RBFOX1: variants seen among roughly 807,000 people sequenced by gnomAD.
The protein encoded by RBFOX1 is RNA binding fox-1 homolog 1.
A neutral mutation model predicts 57.7 loss-of-function variants in RBFOX1; 8 were observed. The observed-to-expected ratio is 0.14, with a 90% CI of 0.08 to 0.25. The LOEUF is 0.25. RBFOX1 is among the 10% of genes least tolerant of loss of function. The pLI, the probability that RBFOX1 is intolerant of heterozygous loss-of-function variation, is 1.00. For missense variants in RBFOX1, 611 were observed against 548.5 expected (o/e 1.11, Z -1.14); for synonymous variants, 326 against 222.4 (o/e 1.47, Z -4.15).
intron 1 of RBFOX1, among the ~76,000 whole-genome samples, chr16:5,393,045 C>T (rs1019435879): frequency 2.0e-5 from 3 of 152,058 alleles, no homozygotes; most frequent in African/African-American, 4.8e-5. Context: ...TAAAAGACCT[C>T]CGAGCATGGG....
intron 1 of RBFOX1, among the ~76,000 whole-genome samples, chr16:5,342,062 A>G (rs1361355154): frequency 2.0e-5 from 3 of 152,220 alleles, no homozygotes; most frequent in Non-Finnish European, 4.4e-5. Flanking sequence ...CCTTTAGTGT[A>G]GCTTTTGTCT....
At chr16:6,759,728 T>C (rs2076338933) in intron 3 of RBFOX1, among the ~76,000 whole-genome samples, 1 of 152,154 alleles carries the variant, frequency 6.6e-6, no homozygotes, top group Non-Finnish European at 1.5e-5. Context: ...TGCATTAGCT[T>C]TCATTGACTA....
intron 2 of RBFOX1, among the ~76,000 whole-genome samples, chr16:5,526,138 C>T (rs780324477): frequency 4.1e-4 from 63 of 152,100 alleles, no homozygotes; most frequent in African/African-American, 1.5e-3. Context: ...GCCTCTGTCT[C>T]GAGAGTGACT....
intron 4 of RBFOX1, among the ~76,000 whole-genome samples, chr16:7,293,882 G>A (rs576640501): frequency 8.5e-5 from 13 of 152,114 alleles, no homozygotes; most frequent in Non-Finnish European, 1.5e-4. Flanking sequence ...TTTGACCTGT[G>A]TTCCAGGATG....
intron 3 of RBFOX1, among the ~76,000 whole-genome samples, chr16:6,750,319 T>C (rs1318540807): frequency 6.6e-6 from 1 of 152,220 alleles, no homozygotes; most frequent in African/African-American, 2.4e-5. Flanking sequence ...GTTTTAATAA[T>C]GGGTCATAGA....
intron 13 of RBFOX1, among the ~76,000 whole-genome samples, chr16:7,668,883 A>T (rs2070384322): frequency 6.6e-6 from 1 of 152,156 alleles, no homozygotes; most frequent in South Asian, 2.1e-4. Flanking sequence ...AGATCTACAG[A>T]GTCTCTCATA....
intron 4 of RBFOX1, among the ~76,000 whole-genome samples, chr16:7,465,220 G>A (rs1253286556): frequency 6.6e-6 from 1 of 152,088 alleles, no homozygotes; most frequent in Admixed American, 6.6e-5. Context: ...CAAACTCTCA[G>A]CTCACATGTC....
At chr16:5,705,536 C>G (rs759343007) in intron 3 of RBFOX1, among the ~76,000 whole-genome samples, 15 of 152,164 alleles carry the variant, frequency 9.9e-5, no homozygotes, top group Admixed American at 5.2e-4. Context: ...TCTGTAATCA[C>G]GAGCGAAACA....
At chr16:6,403,304 GTGT>G (rs1371194524) in intron 2 of RBFOX1, among the ~76,000 whole-genome samples, 1 of 152,152 alleles carries the variant, frequency 6.6e-6, no homozygotes, top group African/African-American at 2.4e-5. Flanking sequence ...TGCCACTCAG[GTGT>G]TAAGAACCCA....
At chr16:5,802,644 G>C (rs2055097823) in intron 3 of RBFOX1, among the ~76,000 whole-genome samples, 1 of 152,156 alleles carries the variant, frequency 6.6e-6, no homozygotes, top group South Asian at 2.1e-4. Context: ...CTTAGAGCTA[G>C]ACCCTGCAGA....
At chr16:7,499,365 C>A (rs572217180) in intron 4 of RBFOX1, among the ~76,000 whole-genome samples, 1 of 152,168 alleles carries the variant, frequency 6.6e-6, no homozygotes, top group South Asian at 2.1e-4. Context: ...ACCCTGCTCG[C>A]TACTCAGGCA....
intron 4 of RBFOX1, among the ~76,000 whole-genome samples, chr16:7,171,317 C>T (rs1284120168): frequency 6.6e-6 from 1 of 152,144 alleles, no homozygotes; most frequent in East Asian, 1.9e-4. Context: ...ATTGTACATC[C>T]CAATTTGCTG....
intron 4 of RBFOX1, among the ~76,000 whole-genome samples, chr16:7,351,851 C>G (rs764647503): frequency 2.0e-5 from 3 of 152,142 alleles, no homozygotes; most frequent in Non-Finnish European, 4.4e-5. Flanking sequence ...CAGGCCCAGG[C>G]AGGAAATTTT....
chr16:5,554,276 CTATG>C lies in RBFOX1; in HGVS notation c.259-44622_259-44619del, dbSNP rs1451736838. On this transcript the variant is annotated intron_variant, in intron 2 of 2. Transcript: ENST00000585867. Reference sequence around the variant, plus strand: ...ATGAGCCACAATGCCTGGCCTTTTTCTATGTATTCTATTGACAATAATGACCTAA... The same window carrying C: ...ATGAGCCACAATGCCTGGCCTTTTTCTATTCTATTGACAATAATGACCTAA... Among the ~76,000 whole-genome samples the C allele has an allele frequency of 5.9e-5, 9 of 151,994 alleles. No individual in the cohort carries two copies. The East Asian group carries it at 1.7e-3, about 29-fold the overall frequency.
intron 3 of RBFOX1, among the ~76,000 whole-genome samples, chr16:5,626,525 G>A (rs1349557631): frequency 6.6e-6 from 1 of 152,012 alleles, no homozygotes; most frequent in Non-Finnish European, 1.5e-5. Context: ...ATGAATTCTG[G>A]CGGAACACAG....
chr16:6,678,321 C>A (rs552338176), intron 3 of RBFOX1, among the ~76,000 whole-genome samples: 2 of 152,192 alleles, frequency 1.3e-5, no homozygotes, highest in South Asian at 4.1e-4. Context: ...GATGGGGTTT[C>A]ATCATGTTGG....
intron 4 of RBFOX1, among the ~76,000 whole-genome samples, chr16:7,229,227 A>G (rs1329918367): frequency 6.6e-6 from 1 of 152,224 alleles, no homozygotes; most frequent in Non-Finnish European, 1.5e-5. Flanking sequence ...CCAGTGATGC[A>G]TTGCAATCTT....
At chr16:5,772,527 T>C (rs541999797) in intron 3 of RBFOX1, among the ~76,000 whole-genome samples, 24 of 152,312 alleles carry the variant, frequency 1.6e-4, no homozygotes, top group Middle Eastern at 6.8e-3. Context: ...ATAAACCTTA[T>C]GAGAAAGTGA....
chr16:5,908,641 A>G (rs190553357), intron 4 of RBFOX1, among the ~76,000 whole-genome samples: 73 of 152,062 alleles, frequency 4.8e-4, no homozygotes, highest in Middle Eastern at 3.4e-3. Context: ...ATTAATTACT[A>G]TATGATCCTC....
Sources: gnomAD v4.1 joint callset for allele counts (sites outside exome capture counted in the v4.1 genomes callset) on GRCh38, gnomAD v4.1.1 for gene constraint, MANE v1.5 for transcripts, NCBI Gene and HGNC (gene_info 2026-07-23, HGNC 2026-07-21) for gene names.